Variants in OLAH observed in about 807,000 individuals in gnomAD.
OLAH encodes S-acyl fatty acid synthase thioesterase, medium chain.
Under a neutral mutation model 27.8 loss-of-function variants are expected in OLAH, and 33 were observed. The observed-to-expected ratio is 1.19, with a 90% CI of 0.90 to 1.59. OLAH has a LOEUF of 1.59. Among genes scored for constraint, OLAH ranks in the 40% most tolerant of loss-of-function variants. OLAH has a pLI of 0.00. For missense variants in OLAH, 359 were observed against 310.8 expected (o/e 1.16, Z -1.17); for synonymous variants, 120 against 102.9 (o/e 1.17, Z -1.01).
upstream of OLAH, among the ~76,000 whole-genome samples, chr10:15,041,160 C>A (rs371907308): frequency 1.3e-5 from 2 of 152,206 alleles, no homozygotes; most frequent in South Asian, 2.1e-4. Flanking sequence ...GAGAAGTACC[C>A]GAAGCTTCTC....
At chr10:15,049,600 A>G in intron 2 of OLAH, 35 bp from the exon 3 acceptor site, 1 of 1,403,960 alleles carries the variant, frequency 7.1e-7, no homozygotes, top group Middle Eastern at 1.8e-4. Flanking sequence ...TAATTGATAT[A>G]CATAATGTTA....
intron 7 of OLAH, 50 bp downstream of exon 7, chr10:15,071,927 GC>G: frequency 7.0e-7 from 1 of 1,435,288 alleles, no homozygotes; most frequent in South Asian, 1.2e-5. Flanking sequence ...ATGTTTGATG[GC>G]TTTAAAATTT....
intron 3 of OLAH, 83 bp from the exon 4 acceptor site, chr10:15,061,641 T>A (rs1014467891): frequency 7.7e-7 from 1 of 1,302,854 alleles, no homozygotes; most frequent in South Asian, 2.1e-5. Context: ...ATTTTTTCCA[T>A]CAGGTAAATA....
chr10:15,061,714 C>G lies in OLAH; in HGVS notation c.164-10C>G. On this transcript the variant is annotated splice_polypyrimidine_tract_variant and intron_variant, in intron 3 of 7. Transcript: ENST00000378228. ...TCTGTGCGTGTTCACTTGTGTTTCTCCATCTCCAGTGCACTCCTTAAGGCT... is the reference window on the plus strand; with the variant it reads ...TCTGTGCGTGTTCACTTGTGTTTCTGCATCTCCAGTGCACTCCTTAAGGCT... 4 of 1,589,788 alleles carry G rather than the reference C, an allele frequency of 2.5e-6. No individual in the cohort carries two copies. The highest frequency in any genetic ancestry group is 2.7e-5 in the African/African-American group (2 of 74,050).
intron 1 of OLAH, among the ~76,000 whole-genome samples, chr10:15,033,481 GA>G (rs746296467): frequency 1.9e-3 from 288 of 152,150 alleles, no homozygotes; most frequent in Non-Finnish European, 3.6e-3. Context: ...AGAGGAAGAA[GA>G]AAAAGGAGAA....
rs748258722 is a variant in OLAH at position 15,057,395 on chromosome 10, C to CG, written c.164-4329_164-4328insG. ...ACATGTATGTGGGTCTATTTCTGGG[C>CG]TTTTTTTTTTTTTTTTTTTTGAGAT... On this transcript the variant is annotated intron_variant, in intron 3 of 7. Coordinates refer to ENST00000378228, the MANE Select transcript of OLAH (RefSeq NM_001039702.3). Among the ~76,000 whole-genome samples the CG allele has an allele frequency of 7.5e-5, 7 of 93,208 alleles. No individual in the cohort carries two copies. The East Asian group carries it at 2.2e-3, about 30-fold the overall frequency. 61.1% of individuals were successfully genotyped at this position (93,208 alleles called of 152,430 possible).
upstream of OLAH, among the ~76,000 whole-genome samples, chr10:15,039,774 G>A (rs1054339379): frequency 5.9e-5 from 9 of 152,212 alleles, no homozygotes; most frequent in African/African-American, 1.7e-4. Flanking sequence ...CTGTGCAGTC[G>A]TCAGTTTGGA....
At chr10:15,042,699 A>G (rs568241366), upstream of OLAH, among the ~76,000 whole-genome samples, 33 of 152,154 alleles carry the variant, frequency 2.2e-4, no homozygotes, top group South Asian at 2.1e-3. Context: ...TACTGGTTTC[A>G]TGGTCAAAGT....
chr10:15,064,422 T>C lies in OLAH; in HGVS notation c.322T>C (p.Phe108Leu). The change falls in exon 5 of 8, where the codon TTT becomes CTT. Residue 108 changes from phenylalanine (F) to leucine (L), a missense_variant. Transcript: ENST00000378228. ...ATTTAGTATGGGATCCTACATTGCTTTTAGGACTGCACTAGGTCTAAAAGA... is the reference window on the plus strand; with the variant it reads ...ATTTAGTATGGGATCCTACATTGCTCTTAGGACTGCACTAGGTCTAAAAGA... ...FGHSMGSYIA[F>L]RTALGLKENN... 1 of 1,599,544 alleles carries C rather than the reference T, an allele frequency of 6.3e-7. No individual in the cohort carries two copies. The highest frequency in any genetic ancestry group is 8.5e-7 in the Non-Finnish European group (1 of 1,174,330).
chr10:15,065,609 A>G lies in OLAH; in HGVS notation c.428A>G (p.Lys143Arg), dbSNP rs1166019425. 6.2e-7 allele frequency: 1 copy of G among 1,611,964 alleles called. No individual in the cohort carries two copies. The highest frequency in any genetic ancestry group is 2.2e-5 in the East Asian group (1 of 44,860). The change falls in exon 6 of 8, where the codon AAA (lysine) becomes AGA (arginine). Residue 143 changes from lysine (K) to arginine (R), a missense_variant. Lys to Arg is a conservative substitution (Grantham distance 26, BLOSUM62 2). Coordinates refer to ENST00000378228, the MANE Select transcript of OLAH (RefSeq NM_001039702.3). ...VHSKAWHRIP[K>R]DDELSEEQIS... ...TCAAAGGCCTGGCATCGCATTCCCA[A>G]AGATGATGAATTGTCAGAAGAACAA... is the stretch of plus-strand genomic sequence containing the variant.
At chr10:15,064,645 A>G (rs904954872) in intron 5 of OLAH, 143 bp downstream of exon 5, 25 of 556,962 alleles carry the variant, frequency 4.5e-5, no homozygotes, top group Middle Eastern at 3.6e-4. Context: ...TGCAAAAGCC[A>G]TTGAGGTTTT....
intron 1 of OLAH, among the ~76,000 whole-genome samples, chr10:15,045,476 A>T (rs938343657): frequency 6.6e-6 from 1 of 152,226 alleles, no homozygotes; most frequent in African/African-American, 2.4e-5. Context: ...AAAGTCAGAG[A>T]AATCCTCATG....
rs7099103 is a variant in OLAH at position 15,038,044 on chromosome 10, G to C, written c.-164+5694G>C. ...CCCTGGGAACCCACTTCTTGCATTA[G>C]TGTGACCCAGATGCAAGACATGGAA... On this transcript the variant is annotated intron_variant, in intron 1 of 3. Coordinates refer to the OLAH transcript ENST00000413672. 6.2e-3 allele frequency among the ~76,000 whole-genome samples: 941 copies of C among 152,346 alleles called. 7 individuals carry two copies. Among genetic ancestry groups the C allele is most frequent in the African/African-American group, 0.022 (910 of 41,578 alleles).
chr10:15,050,855 T>A (rs1025344672), intron 3 of OLAH, among the ~76,000 whole-genome samples: 27 of 152,108 alleles, frequency 1.8e-4, no homozygotes, highest in Admixed American at 1.4e-3. Context: ...AGTGCTAGGA[T>A]TACAGATGTG....
chr10:15,071,114 C>G (rs549617868), intron 6 of OLAH, among the ~76,000 whole-genome samples: 1 of 152,180 alleles, frequency 6.6e-6, no homozygotes, highest in East Asian at 1.9e-4. Flanking sequence ...TCTCTTCCCT[C>G]TCTCCCTGCT....
At chr10:15,034,262 A>T (rs902528393) in intron 1 of OLAH, among the ~76,000 whole-genome samples, 6 of 151,840 alleles carry the variant, frequency 4.0e-5, no homozygotes, top group Non-Finnish European at 8.8e-5. Context: ...CCTTCCAAGT[A>T]GCTGGGATTA....
At chr10:15,045,036 C>T (rs557776732) in intron 1 of OLAH, among the ~76,000 whole-genome samples, 1 of 152,288 alleles carries the variant, frequency 6.6e-6, no homozygotes, top group Admixed American at 6.5e-5. Context: ...TCGTCTGGTA[C>T]TTCAATCAAA....
chr10:15,068,585 G>A (rs1409875435), intron 6 of OLAH, among the ~76,000 whole-genome samples: 1 of 152,036 alleles, frequency 6.6e-6, no homozygotes, highest in African/African-American at 2.4e-5. Flanking sequence ...AGTAGAGACG[G>A]GGTTTCATCA....
chr10:15,037,890 TAC>T, intron 1 of OLAH, among the ~76,000 whole-genome samples: 1 of 152,354 alleles, frequency 6.6e-6, no homozygotes, highest in East Asian at 1.9e-4. Context: ...GTGTTCTCTA[TAC>T]TGCCAACACA....
Sources: allele counts gnomAD v4.1 joint callset (sites outside exome capture counted in the v4.1 genomes callset), GRCh38; gene constraint gnomAD v4.1.1; transcripts MANE v1.5; gene names NCBI Gene and HGNC (gene_info 2026-07-23, HGNC 2026-07-21).